Variants in LPCAT4 observed in about 807,000 individuals in gnomAD.
The protein encoded by LPCAT4 is lysophosphatidylcholine acyltransferase 4.
LPCAT4 carries 30 observed loss-of-function variants against 66.5 expected under a neutral mutation model. That is an observed-to-expected ratio of 0.45 (90% CI 0.34 to 0.61). The LOEUF is 0.61. LPCAT4 is among the 20% of genes least tolerant of loss of function. LPCAT4 has a pLI of 0.01. For synonymous variants in LPCAT4, 253 were observed against 262.1 expected (o/e 0.97, Z 0.34); for missense variants, 557 against 656.7 (o/e 0.85, Z 1.66).
chr15:34,361,962 G>A (rs1298914629), intron 10 of LPCAT4, among the ~76,000 whole-genome samples: 3 of 152,170 alleles, frequency 2.0e-5, no homozygotes, highest in African/African-American at 7.2e-5. Context: ...GCCTCCCAAA[G>A]TGCTGGGATT....
chr15:34,360,251 C>T (rs1225869213), intron 11 of LPCAT4, 42 bp from the exon 12 acceptor site: 1 of 1,491,190 alleles, frequency 6.7e-7, no homozygotes, highest in Non-Finnish European at 9.4e-7. Flanking sequence ...GGACCCTGCG[C>T]CTCCCTTCCT....
intron 10 of LPCAT4, among the ~76,000 whole-genome samples, 154 bp from the exon 11 acceptor site, chr15:34,361,686 TCTTA>T (rs1890946073): frequency 6.6e-6 from 1 of 152,120 alleles, no homozygotes; most frequent in African/African-American, 2.4e-5. Context: ...TGAGAGCACT[TCTTA>T]CTTTTTTCTT....
At position 34,363,905 on chromosome 15, in the gene LPCAT4, C is replaced by A; in HGVS notation, c.652+108G>T. On this transcript the variant is annotated intron_variant, in intron 5 of 13. Coordinates refer to ENST00000314891, the MANE Select transcript of LPCAT4 (RefSeq NM_153613.3). The surrounding 1 kb of genome is among the most constrained non-coding windows in gnomAD (Gnocchi z 4.3). ...AGCTAGGAGGTTCCTGGTCTCCCTT[C>A]CTCTCCCATCCCTCCCCCTCTTCTA... 1 of 1,342,228 alleles carries A rather than the reference C, an allele frequency of 7.5e-7. No individual in the cohort carries two copies. The highest frequency in any genetic ancestry group is 1.9e-4 in the Middle Eastern group (1 of 5,304). 83.1% of individuals were successfully genotyped at this position (1,342,228 alleles called of 1,614,324 possible).
At chr15:34,365,265 G>T in intron 2 of LPCAT4, 37 bp from the exon 3 acceptor site, 1 of 1,562,964 alleles carries the variant, frequency 6.4e-7, no homozygotes, top group South Asian at 1.2e-5. Context: ...GGAAGCAGTG[G>T]TTCTAACCCT....
At chr15:34,362,909 C>T in intron 7 of LPCAT4, 73 bp from the exon 8 acceptor site, 1 of 1,471,316 alleles carries the variant, frequency 6.8e-7, no homozygotes. Flanking sequence ...ACACCCCACT[C>T]CCCTTCCCCA....
intron 12 of LPCAT4, 41 bp downstream of exon 12, chr15:34,360,070 A>G (rs1279087409): frequency 1.4e-6 from 2 of 1,469,398 alleles, no homozygotes; most frequent in East Asian, 2.3e-5. Flanking sequence ...CGGGGTGAGC[A>G]TAGCCACTAA....
chr15:34,361,210 C>T (rs1890934094), intron 11 of LPCAT4, 190 bp downstream of exon 11: 2 of 1,464,666 alleles, frequency 1.4e-6, no homozygotes, highest in South Asian at 2.8e-5. Flanking sequence ...GATAACATTG[C>T]TCTTCAATGC....
At position 34,367,111 on chromosome 15, in the gene LPCAT4, G is replaced by C; in HGVS notation, c.-11C>G. 6.5e-7 allele frequency: 1 copy of C among 1,535,038 alleles called. No homozygotes were observed. The highest frequency in any genetic ancestry group is 8.8e-7 in the Non-Finnish European group (1 of 1,139,738). On this transcript the variant is annotated 5_prime_UTR_variant, in exon 1 of 14. Transcript: ENST00000314891. ...ACTTCCCTGGCTCATGGCGGGAGAA[G>C]GTGGGAGGGAGGGCACCCCGGCCCT...
chr15:34,362,153 T>TCTCG, intron 10 of LPCAT4, 43 bp downstream of exon 10: 1 of 1,611,036 alleles, frequency 6.2e-7, no homozygotes, highest in South Asian at 1.1e-5. Flanking sequence ...TCTCTCTCTC[T>TCTCG]CTCTGTGACA....
Position 34,363,438 on chromosome 15 carries a change from A to G in LPCAT4, c.730T>C (p.Trp244Arg), listed in dbSNP as rs781138356. 1 of 1,614,072 alleles carries G rather than the reference A, an allele frequency of 6.2e-7. No homozygotes were observed. The highest frequency in any genetic ancestry group is 8.5e-7 in the Non-Finnish European group (1 of 1,179,988). Reference protein sequence around the residue: ...PNSLDTTSWAWRGPGVLKVLW... With the variant: ...PNSLDTTSWARRGPGVLKVLW... ...AGAACTCACACTCCAGGACCCCTCC[A>G]TGCCCAGCTGGTGGTGTCCTATGGG... The change falls in exon 7 of 14, where the codon TGG (tryptophan) becomes CGG (arginine). Residue 244 changes from tryptophan to arginine, a missense_variant. By Grantham distance (101) the Trp-to-Arg change is moderately radical (BLOSUM62 -3). Transcript: ENST00000314891. The surrounding 1 kb of genome is among the most constrained non-coding windows in gnomAD (Gnocchi z 4.3).
chr15:34,367,177 A>AGCGGCGGCG lies in LPCAT4; in HGVS notation c.-86_-78dup. 7.9e-7 allele frequency: 1 copy of AGCGGCGGCG among 1,267,412 alleles called. No individual in the cohort carries two copies. The highest frequency in any genetic ancestry group is 1.0e-6 in the Non-Finnish European group (1 of 987,094). 78.5% of individuals were successfully genotyped at this position (1,267,412 alleles called of 1,614,324 possible). On this transcript the variant is annotated 5_prime_UTR_variant, in exon 1 of 14. Coordinates refer to ENST00000314891, the MANE Select transcript of LPCAT4 (RefSeq NM_153613.3). Reference sequence around the variant, plus strand: ...TCTGCAGAGCAGCTGCTGCTGCAGCAGCGGCGGCGGCGGCGCTCTGGCCCG... The same window carrying AGCGGCGGCG: ...TCTGCAGAGCAGCTGCTGCTGCAGCAGCGGCGGCGGCGGCGGCGGCGGCGCTCTGGCCCG...
At chr15:34,359,504 C>A in intron 13 of LPCAT4, 85 bp downstream of exon 13, 3 of 1,523,494 alleles carry the variant, frequency 2.0e-6, no homozygotes, top group Admixed American at 2.0e-5. Context: ...TGGCCACTAA[C>A]CCTTGTTCCC....
chr15:34,365,678 C>T lies in LPCAT4; in HGVS notation c.138G>A (p.Leu46=). 6.2e-7 allele frequency: 1 copy of T among 1,613,966 alleles called. No homozygotes were observed. Among genetic ancestry groups the T allele is most frequent in the Non-Finnish European group, 8.5e-7 (1 of 1,179,990 alleles). Residue 46 remains leucine, a synonymous_variant, in exon 2 of 14, where the codon CTG becomes CTA. Transcript: ENST00000314891. ...AGGCCAGAAGCACTCGGATGGGGGC[C>T]AGCAATGCCCCCAGGAGGCAGAACT... ...RVKFCLLGAL[L]APIRVLLAFI... is the part of the protein sequence containing the mutation.
Position 34,361,457 on chromosome 15 carries a change from C to G in LPCAT4, c.1086G>C (p.Arg362Ser), listed in dbSNP as rs902991822. 6.2e-7 allele frequency: 1 copy of G among 1,614,164 alleles called. No homozygotes were observed. The highest frequency in any genetic ancestry group is 8.5e-7 in the Non-Finnish European group (1 of 1,180,038). The change falls in exon 11 of 14, where the codon AGG becomes AGC. Residue 362 changes from arginine (R) to serine (S), a missense_variant. Arg to Ser is a moderately radical substitution (Grantham distance 110). Transcript: ENST00000314891. ...SRMISQEEFA[R>S]QLQLSDPQTV... ...TCTGAGGATCAGAGAGCTGTAGCTG[C>G]CTGGCAAACTCTTCCTGGCTGATCA...
rs538459374 is a variant in LPCAT4 at position 34,360,359 on chromosome 15, T to G, written c.1144-150A>C. On this transcript the variant is annotated intron_variant, in intron 11 of 13. Coordinates refer to ENST00000314891, the MANE Select transcript of LPCAT4 (RefSeq NM_153613.3). ...ACTGTGAGCTCCAAACTCTTTAGGATCCCTGGAATTTCTCTCAGGTCATAG... is the reference window on the plus strand; with the variant it reads ...ACTGTGAGCTCCAAACTCTTTAGGAGCCCTGGAATTTCTCTCAGGTCATAG... The G allele has an allele frequency of 4.5e-5, 29 of 638,002 alleles. No homozygotes were observed. In the African/African-American group the frequency reaches 4.6e-4, roughly 10 times the overall value. The allele number at this position is 638,002 out of a possible 1,614,324, so 39.5% of individuals were successfully genotyped here.
Position 34,364,085 on chromosome 15 carries a change from AAG to A in LPCAT4, c.592-14_592-13del, listed in dbSNP as rs1224614740. 1.2e-6 allele frequency: 2 copies of A among 1,612,080 alleles called. No individual in the cohort carries two copies. Among genetic ancestry groups the A allele is most frequent in the African/African-American group, 2.7e-5 (2 of 74,912 alleles). On this transcript the variant is annotated splice_polypyrimidine_tract_variant and intron_variant, in intron 4 of 13. Transcript: ENST00000314891. ...GGAAAGAATAGCACCTGGGGTAAAA[AAG>A]AGCAGAATGAGGTGAAGAAGACTGA...
chr15:34,360,348 ACT>A, intron 11 of LPCAT4, 139 bp from the exon 12 acceptor site: 1 of 652,556 alleles, frequency 1.5e-6, no homozygotes, highest in Non-Finnish European at 2.7e-6. Context: ...TGAGCTCCAA[ACT>A]CTTTAGGATC....
intron 2 of LPCAT4, 132 bp downstream of exon 2, chr15:34,365,427 G>T: frequency 7.5e-7 from 1 of 1,327,180 alleles, no homozygotes; most frequent in Non-Finnish European, 1.0e-6. Context: ...GTCTGAGCTT[G>T]GCTGACTCAT....
At chr15:34,365,380 C>G (rs1207829337) in intron 2 of LPCAT4, 152 bp from the exon 3 acceptor site, 16 of 1,160,530 alleles carry the variant, frequency 1.4e-5, no homozygotes, top group Non-Finnish European at 1.9e-5. Context: ...TGGGACCTAT[C>G]AGGGCACATT....
Sources: gnomAD v4.1 joint callset for allele counts (sites outside exome capture counted in the v4.1 genomes callset) on GRCh38, gnomAD v4.1.1 for gene constraint, Gnocchi (gnomAD v3.1) non-coding constraint, MANE v1.5 for transcripts, NCBI Gene and HGNC (gene_info 2026-07-23, HGNC 2026-07-21) for gene names.